CACNA2D1: variants seen among roughly 807,000 people sequenced by gnomAD.
CACNA2D1 encodes the protein calcium voltage-gated channel auxiliary subunit alpha2delta 1.
CACNA2D1 carries 53 observed loss-of-function variants against 171.5 expected under a neutral mutation model. That is an observed-to-expected ratio of 0.31 (90% CI 0.25 to 0.39). The LOEUF (loss-of-function observed/expected upper bound fraction) is 0.39. Ranked by LOEUF, CACNA2D1 falls within the 10% of genes least tolerant of loss-of-function variation. The pLI is 1.00. For missense variants in CACNA2D1, 903 were observed against 1,299.8 expected (o/e 0.69, Z 4.69); for synonymous variants, 442 against 443.1 (o/e 1.00, Z 0.03).
At chr7:82,089,214 G>A (rs1028166229) in intron 6 of CACNA2D1, among the ~76,000 whole-genome samples, 4 of 152,138 alleles carry the variant, frequency 2.6e-5, no homozygotes, top group Non-Finnish European at 5.9e-5. Context: ...TCTTGCTTCA[G>A]ATGAGATTAG....
intron 38 of CACNA2D1, among the ~76,000 whole-genome samples, chr7:81,958,124 C>G (rs1200280717): frequency 6.6e-6 from 1 of 151,904 alleles, no homozygotes; most frequent in East Asian, 1.9e-4. Flanking sequence ...CGCTTAGTTG[C>G]AATGTTGAAT....
chr7:82,202,433 A>T (rs549706567), intron 3 of CACNA2D1, among the ~76,000 whole-genome samples: 1 of 152,086 alleles, frequency 6.6e-6, no homozygotes, highest in Non-Finnish European at 1.5e-5. Flanking sequence ...CAGCTGAAAC[A>T]TTGGTTGTGG....
chr7:82,316,212 CTG>C (rs1203134061), intron 3 of CACNA2D1, among the ~76,000 whole-genome samples: 1 of 151,968 alleles, frequency 6.6e-6, no homozygotes, highest in Non-Finnish European at 1.5e-5. Flanking sequence ...TTTAAAATAA[CTG>C]TTTTAACAGT....
intron 7 of CACNA2D1, among the ~76,000 whole-genome samples, chr7:82,083,226 A>C (rs1207989676): frequency 2.0e-5 from 3 of 152,104 alleles, no homozygotes; most frequent in African/African-American, 7.2e-5. Context: ...TGAAAGCTAC[A>C]TAATGCTGTA....
At chr7:81,977,749 T>C (rs1796000597) in intron 24 of CACNA2D1, among the ~76,000 whole-genome samples, 1 of 152,126 alleles carries the variant, frequency 6.6e-6, no homozygotes, top group Admixed American at 6.5e-5. Context: ...TGGTATCTAA[T>C]TAAACTAAAG....
chr7:82,253,661 T>G (rs987998626), intron 3 of CACNA2D1, among the ~76,000 whole-genome samples: 4 of 152,234 alleles, frequency 2.6e-5, no homozygotes, highest in African/African-American at 9.6e-5. Context: ...CTTATATAAC[T>G]TTTTGTTTAA....
At chr7:82,296,700 A>C (rs933855031) in intron 3 of CACNA2D1, among the ~76,000 whole-genome samples, 7 of 152,162 alleles carry the variant, frequency 4.6e-5, no homozygotes, top group African/African-American at 1.7e-4. Context: ...TTACCACTGT[A>C]TGTGGACATT....
intron 28 of CACNA2D1, among the ~76,000 whole-genome samples, chr7:81,969,549 G>A (rs1172931766): frequency 6.6e-6 from 1 of 150,984 alleles, no homozygotes; most frequent in Non-Finnish European, 1.5e-5. Context: ...ATTAATCAAT[G>A]GAATTACTCT....
At chr7:82,049,012 A>C (rs1256118610) in intron 10 of CACNA2D1, among the ~76,000 whole-genome samples, 1 of 151,850 alleles carries the variant, frequency 6.6e-6, no homozygotes, top group African/African-American at 2.4e-5. Flanking sequence ...TAAGTGCCAA[A>C]AACTTAGTGT....
chr7:82,412,050 A>G (rs974547839), intron 1 of CACNA2D1, among the ~76,000 whole-genome samples: 1 of 152,266 alleles, frequency 6.6e-6, no homozygotes, highest in South Asian at 2.1e-4. Context: ...CAAACACATG[A>G]CAAGTCATTT....
intron 4 of CACNA2D1, among the ~76,000 whole-genome samples, chr7:82,170,166 C>G (rs1795866323): frequency 6.6e-6 from 1 of 151,994 alleles, no homozygotes; most frequent in South Asian, 2.1e-4. Context: ...CTGCTTCTTA[C>G]AAACTCAAAG....
intron 24 of CACNA2D1, among the ~76,000 whole-genome samples, chr7:81,980,392 C>T (rs1172609019): frequency 6.6e-6 from 1 of 151,966 alleles, no homozygotes; most frequent in Non-Finnish European, 1.5e-5. Flanking sequence ...ATAAGCATCA[C>T]TGTGCTCCAA....
chr7:82,242,822 T>C (rs950140081), intron 3 of CACNA2D1, among the ~76,000 whole-genome samples: 1 of 152,132 alleles, frequency 6.6e-6, no homozygotes, highest in African/African-American at 2.4e-5. Flanking sequence ...ACTGAATTTA[T>C]TGCAGAAAAA....
chr7:81,984,786 G>T (rs1796787947), intron 21 of CACNA2D1, 75 bp from the exon 22 acceptor site: 3 of 804,162 alleles, frequency 3.7e-6, no homozygotes, highest in Non-Finnish European at 6.4e-6. Context: ...GACACATCAA[G>T]TTCATGGGAA....
At chr7:82,268,369 C>T (rs142346626) in intron 3 of CACNA2D1, among the ~76,000 whole-genome samples, 5 of 152,060 alleles carry the variant, frequency 3.3e-5, no homozygotes, top group Non-Finnish European at 5.9e-5. Flanking sequence ...TATGATATAA[C>T]CTTTAAAGGT....
intron 5 of CACNA2D1, among the ~76,000 whole-genome samples, chr7:82,127,195 A>C (rs1369163191): frequency 6.6e-6 from 1 of 152,282 alleles, no homozygotes; most frequent in East Asian, 1.9e-4. Flanking sequence ...GACAAAACAG[A>C]GAAGATGAGA....
At chr7:82,052,097 T>C (rs1257073999) in intron 10 of CACNA2D1, among the ~76,000 whole-genome samples, 2 of 152,214 alleles carry the variant, frequency 1.3e-5, no homozygotes, top group Non-Finnish European at 2.9e-5. Flanking sequence ...TTCTGTTTGG[T>C]GGCTTCTGGG....
At chr7:82,317,288 A>G (rs1815242372) in intron 3 of CACNA2D1, among the ~76,000 whole-genome samples, 1 of 152,198 alleles carries the variant, frequency 6.6e-6, no homozygotes, top group South Asian at 2.1e-4. Context: ...AAAAATGTAC[A>G]CTGCCAGCTT....
intron 1 of CACNA2D1, among the ~76,000 whole-genome samples, chr7:82,429,494 A>T (rs1363662773): frequency 6.6e-6 from 1 of 152,136 alleles, no homozygotes. Flanking sequence ...TTTACTTCAC[A>T]TGTGGAAAAA....
Sources: allele counts gnomAD v4.1 joint callset (sites outside exome capture counted in the v4.1 genomes callset), GRCh38; gene constraint gnomAD v4.1.1; transcripts MANE v1.5; gene names NCBI Gene and HGNC (gene_info 2026-07-23, HGNC 2026-07-21).